The following RGPD4 variants were observed in gnomAD, a reference collection of about 807,000 sequenced individuals.
The protein encoded by RGPD4 is ranBP2-like and GRIP domain-containing protein 4.
RGPD4 carries 84 observed loss-of-function variants against 141.1 expected under a neutral mutation model. The observed-to-expected ratio is 0.60, with a 90% confidence interval of 0.50 to 0.71. RGPD4 has a LOEUF of 0.71. Ranked by LOEUF, RGPD4 falls within the 30% of genes least tolerant of loss-of-function variation. RGPD4 has a pLI of 0.00. For synonymous variants in RGPD4, 298 were observed against 566.8 expected, an observed-to-expected ratio of 0.53 and a Z score of 6.74; for missense variants, 918 against 1,622.4, an observed-to-expected ratio of 0.57 and a Z score of 7.46.
At chr2:107,881,713 G>A (rs1339422555) in intron 21 of RGPD4, among the ~76,000 whole-genome samples, 14 of 150,556 alleles carry the variant, frequency 9.3e-5, no homozygotes, top group Non-Finnish European at 1.3e-4. Flanking sequence ...GACAAAGTTC[G>A]CTAACTTTCT....
chr2:107,878,122 A>C (rs1462318557), intron 20 of RGPD4, among the ~76,000 whole-genome samples: 8 of 150,956 alleles, frequency 5.3e-5, no homozygotes, highest in Admixed American at 2.6e-4. Flanking sequence ...TTGATGACTA[A>C]ATTTTAAGAA....
At chr2:107,829,548 GC>G (rs1234600190) in intron 1 of RGPD4, among the ~76,000 whole-genome samples, 10 of 130,516 alleles carry the variant, frequency 7.7e-5, no homozygotes, top group East Asian at 2.1e-4. Flanking sequence ...CCTCGACCTG[GC>G]CCGGCGGCGG....
intron 9 of RGPD4, among the ~76,000 whole-genome samples, chr2:107,857,212 A>G (rs1404682601): frequency 6.6e-6 from 1 of 150,892 alleles, no homozygotes; most frequent in Non-Finnish European, 1.5e-5. Flanking sequence ...ATCTCGGCTC[A>G]CTGTAACCTC....
chr2:107,886,046 T>C (rs1412695600), intron 22 of RGPD4, among the ~76,000 whole-genome samples: 1 of 101,352 alleles, frequency 9.9e-6, no homozygotes, highest in African/African-American at 3.9e-5. Flanking sequence ...AGATCAAAAC[T>C]CTTATCTCAA....
chr2:107,863,563 G>C (rs978503301), intron 17 of RGPD4, among the ~76,000 whole-genome samples: 3 of 151,098 alleles, frequency 2.0e-5, no homozygotes, highest in Admixed American at 6.6e-5. Flanking sequence ...TGCAATCTTG[G>C]CTCACTGCAA....
intron 1 of RGPD4, among the ~76,000 whole-genome samples, chr2:107,833,705 T>C (rs1444382042): frequency 1.3e-5 from 2 of 151,628 alleles, no homozygotes; most frequent in African/African-American, 2.4e-5. Flanking sequence ...TTTTCTATTA[T>C]GTTTTGGCAT....
intron 21 of RGPD4, 48 bp downstream of exon 21, chr2:107,880,155 C>A (rs1342181897): frequency 1.2e-6 from 2 of 1,609,304 alleles, no homozygotes; most frequent in African/African-American, 1.4e-5. Flanking sequence ...ATTTGGTTTT[C>A]TGGACCCTCC....
chr2:107,885,284 A>G (rs1675480617), intron 22 of RGPD4, among the ~76,000 whole-genome samples: 1 of 152,184 alleles, frequency 6.6e-6, no homozygotes, highest in South Asian at 2.1e-4. Context: ...AATTATAACT[A>G]ATTTTATAGT....
At chr2:107,834,407 A>G (rs1681598823) in intron 1 of RGPD4, among the ~76,000 whole-genome samples, 1 of 151,606 alleles carries the variant, frequency 6.6e-6, no homozygotes, top group Admixed American at 6.6e-5. Context: ...TAAACATTTC[A>G]TGAGTTTTAA....
At chr2:107,875,738 C>A (rs947470177) in intron 20 of RGPD4, among the ~76,000 whole-genome samples, 5 of 107,280 alleles carry the variant, frequency 4.7e-5, no homozygotes, top group African/African-American at 1.9e-4. Context: ...TATCTAGTAT[C>A]ATGCTTGAAC....
chr2:107,856,139 C>T (rs1383165804), intron 8 of RGPD4, among the ~76,000 whole-genome samples: 3 of 125,186 alleles, frequency 2.4e-5, no homozygotes, highest in African/African-American at 1.0e-4. Context: ...CTGCAAGCTC[C>T]GCCTCCCGGG....
chr2:107,827,323 AC>A (rs1681242047), intron 1 of RGPD4, among the ~76,000 whole-genome samples: 1 of 134,618 alleles, frequency 7.4e-6, no homozygotes, highest in Non-Finnish European at 1.6e-5. Context: ...GGCGGCCTCG[AC>A]CCGGCCCGGC....
chr2:107,830,409 A>G (rs1681441534), intron 1 of RGPD4, among the ~76,000 whole-genome samples: 2 of 151,842 alleles, frequency 1.3e-5, no homozygotes, highest in African/African-American at 4.8e-5. Context: ...TGGCTTCCAA[A>G]AGATTAAAAA....
rs1484233093 is a variant in RGPD4 at position 107,872,199 on chromosome 2, A to G, written c.4195A>G (p.Arg1399Gly). 4.3e-6 allele frequency: 7 copies of G among 1,611,638 alleles called. No individual in the cohort carries two copies. The highest frequency in any genetic ancestry group is 1.1e-5 in the South Asian group (1 of 90,988). The change falls in exon 20 of 23, where the codon AGG becomes GGG. Residue 1399 changes from arginine (R) to glycine (G), a missense_variant. Physicochemically the swap from Arg to Gly is moderately radical, Grantham distance 125. Coordinates refer to ENST00000408999, the MANE Select transcript of RGPD4 (RefSeq NM_182588.3). ...DNKQVRIVMR[R>G]DQVLKLCANH... is the part of the protein sequence containing the mutation. ...TAAGCAAGTTCGTATAGTGATGAGA[A>G]GGGACCAAGTATTAAAACTTTGTGC...
rs772647023 is a variant in RGPD4 at position 107,859,474 on chromosome 2, T to C, written c.1554T>C (p.Leu518=). The C allele has an allele frequency of 1.2e-6, 2 of 1,611,330 alleles. No homozygotes were observed. Among genetic ancestry groups the C allele is most frequent in the South Asian group, 2.2e-5 (2 of 90,968 alleles). The change falls in exon 11 of 23, where the codon CTT becomes CTC. Residue 518 remains leucine (L), a synonymous_variant. Coordinates refer to ENST00000408999, the MANE Select transcript of RGPD4 (RefSeq NM_182588.3). ...HSSYQPLCLP[L]PVCKQLCTER... ...CCTATCAGCCGTTATGCCTGCCCCT[T>C]CCTGTATGTAAACAGCTTTGTACAG...
chr2:107,881,608 G>A lies in RGPD4; in HGVS notation c.5065-1064G>A, dbSNP rs3927956. ...TGGGATTACAGGCATGAGCCACCAC[G>A]CCTGGCCAAATGTTATATTTTCATA... On this transcript the variant is annotated intron_variant, in intron 21 of 22. Transcript: ENST00000408999. Among the ~76,000 whole-genome samples, 36 of 151,010 alleles carry A rather than the reference G, an allele frequency of 2.4e-4. 2 individuals carry two copies. Among genetic ancestry groups the A allele is most frequent in the African/African-American group, 6.4e-4 (26 of 40,706 alleles).
At chr2:107,881,779 A>G (rs1017891827) in intron 21 of RGPD4, among the ~76,000 whole-genome samples, 3 of 151,504 alleles carry the variant, frequency 2.0e-5, no homozygotes, top group African/African-American at 4.9e-5. Flanking sequence ...CAACCTGGAA[A>G]TCTTCCTCAA....
chr2:107,885,160 T>G (rs1002197750), intron 22 of RGPD4, among the ~76,000 whole-genome samples: 1 of 151,990 alleles, frequency 6.6e-6, no homozygotes, highest in African/African-American at 2.4e-5. Context: ...TTCACTGTCT[T>G]TAATTTATTC....
At position 107,844,780 on chromosome 2, in the gene RGPD4, C is replaced by G. The variant is rs537908304; in HGVS notation, c.782+1050C>G. On this transcript the variant is annotated intron_variant, in intron 6 of 22. Transcript: ENST00000408999. ...CCTTTTACATTTTTCTTAAGGACATCAAAGATGTTTGTATGTGGGTTCCTT... is the reference window on the plus strand; with the variant it reads ...CCTTTTACATTTTTCTTAAGGACATGAAAGATGTTTGTATGTGGGTTCCTT... Among the ~76,000 whole-genome samples the G allele has an allele frequency of 8.0e-3, 888 of 110,558 alleles. 1 individual carries two copies. The highest frequency in any genetic ancestry group is 0.03 in the African/African-American group (838 of 28,260). 72.5% of individuals were successfully genotyped at this position (110,558 alleles called of 152,430 possible).
Sources: gnomAD v4.1 joint callset for allele counts (sites outside exome capture counted in the v4.1 genomes callset) on GRCh38, gnomAD v4.1.1 for gene constraint, MANE v1.5 for transcripts, NCBI Gene and HGNC (gene_info 2026-07-23, HGNC 2026-07-21) for gene names.